Variants in SOX5 observed in about 807,000 individuals in gnomAD.
SOX5 encodes the protein transcription factor SOX-5.
Under a neutral mutation model 92.0 loss-of-function variants are expected in SOX5, and 9 were observed. The observed-to-expected ratio is 0.10, with a 90% CI of 0.06 to 0.17. The LOEUF is 0.17. Ranked by LOEUF, SOX5 falls within the 10% of genes least tolerant of loss-of-function variation. SOX5 has a pLI of 1.00. For synonymous variants in SOX5, 344 were observed against 336.3 expected (o/e 1.02, Z -0.25); for missense variants, 642 against 944.5 (o/e 0.68, Z 4.20).
chr12:23,890,680 G>A (rs1394628388), intron 2 of SOX5, among the ~76,000 whole-genome samples: 2 of 151,982 alleles, frequency 1.3e-5, no homozygotes, highest in South Asian at 2.1e-4. Flanking sequence ...ACATGAGGAC[G>A]CATTCTGGAG....
At chr12:23,692,590 T>G (rs940170173) in intron 6 of SOX5, among the ~76,000 whole-genome samples, 1 of 152,242 alleles carries the variant, frequency 6.6e-6, no homozygotes, top group Non-Finnish European at 1.5e-5. Context: ...TTTAAAATTA[T>G]ATTCTGTATG....
chr12:23,773,558 G>C (rs2095004097), intron 3 of SOX5, among the ~76,000 whole-genome samples: 1 of 152,078 alleles, frequency 6.6e-6, no homozygotes, highest in Non-Finnish European at 1.5e-5. Flanking sequence ...TTTTAGTAGA[G>C]ACAGGGTTTT....
chr12:23,539,599 C>A (rs1941459601), intron 13 of SOX5, among the ~76,000 whole-genome samples: 1 of 91,906 alleles, frequency 1.1e-5, no homozygotes, highest in Non-Finnish European at 2.2e-5. Flanking sequence ...GAAAGCTGGT[C>A]TGGCTTAAAA....
intron 11 of SOX5, among the ~76,000 whole-genome samples, chr12:23,559,620 C>T (rs1945835794): frequency 6.6e-6 from 1 of 152,184 alleles, no homozygotes; most frequent in South Asian, 2.1e-4. Flanking sequence ...TGTCCAATTA[C>T]AGCTTTTCAG....
intron 1 of SOX5, among the ~76,000 whole-genome samples, chr12:24,382,901 A>T (rs1030702314): frequency 6.6e-6 from 1 of 152,130 alleles, no homozygotes; most frequent in Non-Finnish European, 1.5e-5. Context: ...AGTCTGAGGG[A>T]CACATCAGGA....
intron 1 of SOX5, among the ~76,000 whole-genome samples, chr12:24,546,867 G>T (rs949272499): frequency 3.9e-5 from 6 of 152,182 alleles, no homozygotes; most frequent in African/African-American, 1.2e-4. Context: ...GTAAACCATG[G>T]CTCAGGAATT....
chr12:23,980,599 C>T (rs1949481693), intron 4 of SOX5, among the ~76,000 whole-genome samples: 1 of 152,166 alleles, frequency 6.6e-6, no homozygotes, highest in African/African-American at 2.4e-5. Flanking sequence ...ATGTCTAAAA[C>T]ATCTGCCAAA....
At chr12:23,707,169 C>A (rs1047396651) in intron 6 of SOX5, among the ~76,000 whole-genome samples, 1 of 152,118 alleles carries the variant, frequency 6.6e-6, no homozygotes, top group Non-Finnish European at 1.5e-5. Flanking sequence ...GCTGTAGTCA[C>A]CTTGCATGTG....
chr12:23,786,166 G>A (rs142680676), intron 3 of SOX5, among the ~76,000 whole-genome samples: 1 of 151,860 alleles, frequency 6.6e-6, no homozygotes, highest in East Asian at 1.9e-4. Context: ...GTTATAATAG[G>A]ATATGAATCT....
chr12:23,902,789 C>G (rs2097250422), intron 1 of SOX5, among the ~76,000 whole-genome samples: 1 of 151,994 alleles, frequency 6.6e-6, no homozygotes, highest in Non-Finnish European at 1.5e-5. Context: ...ATGATAAAGT[C>G]CTTTGCAAAT....
At chr12:23,642,359 C>T (rs570370131) in intron 7 of SOX5, among the ~76,000 whole-genome samples, 132 of 152,208 alleles carry the variant, frequency 8.7e-4, no homozygotes, top group African/African-American at 2.7e-3. Flanking sequence ...GTTAAGACAG[C>T]GAAGTACATA....
chr12:23,549,994 G>T (rs566292613), intron 11 of SOX5, among the ~76,000 whole-genome samples: 2 of 151,950 alleles, frequency 1.3e-5, no homozygotes, highest in Non-Finnish European at 2.9e-5. Context: ...TATTATTAAC[G>T]TATTAGTATT....
intron 1 of SOX5, among the ~76,000 whole-genome samples, chr12:24,412,780 C>CTTTTTTTTTTTT (rs35640190): frequency 1.5e-5 from 2 of 132,428 alleles, no homozygotes. Flanking sequence ...ATTAGATTTT[C>CTTTTTTTTTTTT]TTTTTTTTTT....
At chr12:24,163,597 C>T (rs1953031826) in intron 4 of SOX5, among the ~76,000 whole-genome samples, 1 of 150,542 alleles carries the variant, frequency 6.6e-6, no homozygotes, top group Non-Finnish European at 1.5e-5. Flanking sequence ...GTCATAAGCT[C>T]CTAGAATACG....
intron 1 of SOX5, among the ~76,000 whole-genome samples, chr12:24,377,441 C>G (rs1371458839): frequency 6.6e-6 from 1 of 152,154 alleles, no homozygotes; most frequent in Non-Finnish European, 1.5e-5. Context: ...TTTAACATAA[C>G]CATTTCTGAA....
chr12:24,111,516 G>T (rs1947344139), intron 4 of SOX5, among the ~76,000 whole-genome samples: 1 of 152,100 alleles, frequency 6.6e-6, no homozygotes, highest in Non-Finnish European at 1.5e-5. Flanking sequence ...ATATCATTAA[G>T]AAATAAATAT....
chr12:23,599,560 G>A (rs961789518), intron 9 of SOX5, among the ~76,000 whole-genome samples: 4 of 152,192 alleles, frequency 2.6e-5, no homozygotes, highest in African/African-American at 4.8e-5. Flanking sequence ...GTTCTTGGCT[G>A]CTGCAGGCAA....
chr12:23,811,243 T>C (rs536358955), intron 3 of SOX5, among the ~76,000 whole-genome samples: 1 of 152,258 alleles, frequency 6.6e-6, no homozygotes, highest in Non-Finnish European at 1.5e-5. Flanking sequence ...CACAGAGGAA[T>C]ATTTTGGCCT....
intron 2 of SOX5, among the ~76,000 whole-genome samples, chr12:24,320,129 A>G (rs1950070286): frequency 6.6e-6 from 1 of 152,244 alleles, no homozygotes. Context: ...TACAGAAAAG[A>G]TTTGGAAAAA....
Sources: allele counts gnomAD v4.1 joint callset (sites outside exome capture counted in the v4.1 genomes callset), GRCh38; gene constraint gnomAD v4.1.1; transcripts MANE v1.5; gene names NCBI Gene and HGNC (gene_info 2026-07-23, HGNC 2026-07-21).